The following MBNL2 variants were observed in gnomAD, a reference collection of about 807,000 sequenced individuals.
The protein encoded by MBNL2 is muscleblind-like protein 2.
In MBNL2, 17 loss-of-function variants were observed where a neutral mutation model predicts 41.9. The observed-to-expected ratio is 0.41, with a 90% CI of 0.28 to 0.61. The LOEUF is 0.61. MBNL2 is among the 20% of genes least tolerant of loss of function. The pLI, the probability that MBNL2 is intolerant of heterozygous loss-of-function variation, is 0.35. For synonymous variants in MBNL2, 195 were observed against 182.9 expected, an observed-to-expected ratio of 1.07 and a Z score of -0.53; for missense variants, 336 against 505.6, an observed-to-expected ratio of 0.66 and a Z score of 3.22.
chr13:97,204,157 C>T, the MBNL2 span, among the ~76,000 whole-genome samples: 2 of 152,182 alleles, frequency 1.3e-5, no homozygotes, highest in South Asian at 2.1e-4. Context: ...AGCAGCAACA[C>T]ACGTACTCTT....
At chr13:97,158,749 T>C in the MBNL2 span, among the ~76,000 whole-genome samples, 1 of 152,058 alleles carries the variant, frequency 6.6e-6, no homozygotes, top group Non-Finnish European at 1.5e-5. Flanking sequence ...GATTGCACTG[T>C]GGTCTGAGAG....
chr13:97,280,672 T>C (rs1014349516), intron 2 of MBNL2, among the ~76,000 whole-genome samples: 5 of 152,114 alleles, frequency 3.3e-5, no homozygotes, highest in African/African-American at 1.2e-4. Context: ...GCCACCTGAC[T>C]TCATTTCTAT....
intron 1 of MBNL2, among the ~76,000 whole-genome samples, chr13:97,228,557 C>T (rs1352699667): frequency 2.2e-4 from 27 of 123,078 alleles, no homozygotes; most frequent in Admixed American, 2.1e-3. Flanking sequence ...GAGACAGAGT[C>T]GCACTCTGTT....
chr13:97,266,660 G>T (rs2152899597), intron 1 of MBNL2, among the ~76,000 whole-genome samples: 1 of 152,320 alleles, frequency 6.6e-6, no homozygotes, highest in African/African-American at 2.4e-5. Context: ...TTAGTCTCCA[G>T]AAATAGAGTG....
At chr13:97,365,261 T>C (rs1417657116) in intron 8 of MBNL2, 90 bp downstream of exon 8, 5 of 866,528 alleles carry the variant, frequency 5.8e-6, no homozygotes, top group Non-Finnish European at 1.0e-5. Context: ...AGAAATGCTA[T>C]AGGAAATAGT....
At chr13:97,255,632 G>T (rs1442157950) in intron 1 of MBNL2, among the ~76,000 whole-genome samples, 1 of 152,214 alleles carries the variant, frequency 6.6e-6, no homozygotes, top group Non-Finnish European at 1.5e-5. Flanking sequence ...GCTACCCGTA[G>T]ATGGCAGCCA....
chr13:97,302,941 A>G (rs1566404349), intron 2 of MBNL2, among the ~76,000 whole-genome samples: 2 of 152,042 alleles, frequency 1.3e-5, no homozygotes, highest in Non-Finnish European at 2.9e-5. Flanking sequence ...AAAAGTTCTT[A>G]TTTTCTCCAT....
chr13:97,371,440 G>C (rs1301809174), intron 8 of MBNL2, among the ~76,000 whole-genome samples: 1 of 152,164 alleles, frequency 6.6e-6, no homozygotes, highest in Non-Finnish European at 1.5e-5. Flanking sequence ...TACAAAGAAA[G>C]CTGGGGAAGT....
chr13:97,283,398 C>G (rs2152950020), intron 2 of MBNL2, among the ~76,000 whole-genome samples: 1 of 152,330 alleles, frequency 6.6e-6, no homozygotes, highest in South Asian at 2.1e-4. Context: ...TGCCACATCT[C>G]TAAATCCAAA....
intron 8 of MBNL2, among the ~76,000 whole-genome samples, chr13:97,369,424 T>G (rs1338745867): frequency 2.6e-5 from 4 of 152,178 alleles, no homozygotes; most frequent in African/African-American, 9.7e-5. Context: ...AGCATGAGAT[T>G]ACAAAGATAA....
intron 1 of MBNL2, among the ~76,000 whole-genome samples, chr13:97,239,165 T>C (rs1191650869): frequency 6.6e-6 from 1 of 152,252 alleles, no homozygotes; most frequent in Non-Finnish European, 1.5e-5. Context: ...CAAATATTTT[T>C]TGTACTACTG....
At chr13:97,151,719 A>G in the MBNL2 span, among the ~76,000 whole-genome samples, 1 of 152,174 alleles carries the variant, frequency 6.6e-6, no homozygotes, top group Non-Finnish European at 1.5e-5. Flanking sequence ...AAACTATCAG[A>G]CAGCCTCCAT....
the MBNL2 span, among the ~76,000 whole-genome samples, chr13:97,189,314 C>T: frequency 1.3e-5 from 2 of 152,212 alleles, no homozygotes; most frequent in East Asian, 1.9e-4. Context: ...CTTGGTTCTA[C>T]AGGTACTTGG....
At chr13:97,201,563 A>AT in the MBNL2 span, among the ~76,000 whole-genome samples, 8 of 152,168 alleles carry the variant, frequency 5.3e-5, no homozygotes, top group Non-Finnish European at 1.2e-4. Flanking sequence ...CAATGATTCT[A>AT]TTTTTTTCAA....
At chr13:97,276,453 A>G in intron 2 of MBNL2, 44 bp downstream of exon 2, 1 of 1,541,478 alleles carries the variant, frequency 6.5e-7, no homozygotes, top group South Asian at 1.1e-5. Context: ...CCACATTGGA[A>G]TTGCAAACAG....
intron 2 of MBNL2, among the ~76,000 whole-genome samples, chr13:97,322,224 G>A (rs531290457): frequency 3.3e-5 from 5 of 152,074 alleles, no homozygotes; most frequent in Non-Finnish European, 5.9e-5. Context: ...TTCCCCAGCC[G>A]GTGCATAAAT....
chr13:97,316,709 T>A (rs954807897), intron 2 of MBNL2, among the ~76,000 whole-genome samples: 1 of 152,194 alleles, frequency 6.6e-6, no homozygotes, highest in Non-Finnish European at 1.5e-5. Flanking sequence ...ACTTTCTTAG[T>A]GGTAATGGCC....
chr13:97,143,689 TCTAA>T, the MBNL2 span, among the ~76,000 whole-genome samples: 2 of 152,268 alleles, frequency 1.3e-5, no homozygotes, highest in Non-Finnish European at 2.9e-5. Flanking sequence ...TAGGATTCAT[TCTAA>T]CTATGATTGA....
At chr13:97,173,718 C>T in the MBNL2 span, among the ~76,000 whole-genome samples, 6 of 152,218 alleles carry the variant, frequency 3.9e-5, no homozygotes, top group Non-Finnish European at 8.8e-5. Context: ...CCTCCTCTTG[C>T]CTCTTTGTTC....
Sources: allele counts gnomAD v4.1 joint callset (sites outside exome capture counted in the v4.1 genomes callset), GRCh38; gene constraint gnomAD v4.1.1; transcripts MANE v1.5; gene names NCBI Gene and HGNC (gene_info 2026-07-23, HGNC 2026-07-21).